Variants in YAF2 observed in about 807,000 individuals in gnomAD.
The protein encoded by YAF2 is YY1-associated factor 2.
Under a neutral mutation model 20.1 loss-of-function variants are expected in YAF2, and 7 were observed. The observed-to-expected ratio is 0.35, with a 90% CI of 0.20 to 0.65. The LOEUF (loss-of-function observed/expected upper bound fraction) is 0.65. YAF2 is among the 30% of genes least tolerant of loss of function. YAF2 has a pLI of 0.69. For synonymous variants in YAF2, 74 were observed against 76.0 expected, an observed-to-expected ratio of 0.97 and a Z score of 0.14; for missense variants, 151 against 219.2, an observed-to-expected ratio of 0.69 and a Z score of 1.96.
intron 2 of YAF2, chr12:42,233,072 AAG>A: frequency 3.0e-6 from 3 of 985,356 alleles, no homozygotes; most frequent in Non-Finnish European, 3.6e-6. Context: ...GCCCTTAAAT[AAG>A]ATGCTCAATA....
At chr12:42,223,492 G>A (rs1460022295) in intron 2 of YAF2, among the ~76,000 whole-genome samples, 1 of 152,072 alleles carries the variant, frequency 6.6e-6, no homozygotes, top group African/African-American at 2.4e-5. Flanking sequence ...TGGCCATGAT[G>A]TTAAAGCACA....
chr12:42,210,386 C>G, intron 2 of YAF2: 1 of 1,531,894 alleles, frequency 6.5e-7, no homozygotes, highest in Non-Finnish European at 8.7e-7. Context: ...TGGGTCTTTT[C>G]CCTCACAGAT....
At position 42,210,889 on chromosome 12, in the gene YAF2, C is replaced by T. The variant is rs115478698; in HGVS notation, c.152+26710G>A. ...GAATGGTTTCATTTTAAAAAGTCTACTATAATGGCTGCTATATTTTAATAT... is the reference window on the plus strand; with the variant it reads ...GAATGGTTTCATTTTAAAAAGTCTATTATAATGGCTGCTATATTTTAATAT... On this transcript the variant is annotated intron_variant, in intron 2 of 3. Coordinates refer to ENST00000534854, the MANE Select transcript of YAF2 (RefSeq NM_005748.6). 4.9e-3 allele frequency: 1,721 copies of T among 353,436 alleles called. 32 individuals are homozygous for T. The highest frequency in any genetic ancestry group is 0.033 in the African/African-American group (1,583 of 48,442). The allele number at this position is 353,436 out of a possible 1,614,324, so 21.9% of individuals were successfully genotyped here.
chr12:42,227,528 G>A (rs773005250), intron 2 of YAF2, among the ~76,000 whole-genome samples: 2,611 of 146,332 alleles, frequency 0.018, 24 homozygotes, highest in Middle Eastern at 0.036. Flanking sequence ...CTGCCCTGCC[G>A]AGACCCCGTC....
At chr12:42,225,643 C>T (rs540808857) in intron 2 of YAF2, among the ~76,000 whole-genome samples, 1 of 152,198 alleles carries the variant, frequency 6.6e-6, no homozygotes, top group South Asian at 2.1e-4. Context: ...GAATCCTTTC[C>T]CCAGTGTTTG....
At chr12:42,191,312 T>G (rs1412457952) in intron 2 of YAF2, among the ~76,000 whole-genome samples, 1 of 152,198 alleles carries the variant, frequency 6.6e-6, no homozygotes, top group Non-Finnish European at 1.5e-5. Context: ...TCAGTGTCTC[T>G]TTTTCTCACC....
rs1270872897 is a variant in YAF2 at position 42,157,713 on chromosome 12, T to C, written c.*2876A>G. On this transcript the variant is annotated 3_prime_UTR_variant, in exon 4 of 4. Coordinates refer to ENST00000534854, the MANE Select transcript of YAF2 (RefSeq NM_005748.6). ...ATAAAAATAAAACCTTTATTTCTAT[T>C]GTATAATACAAAAGGTTTTAAGAAT... is the stretch of plus-strand genomic sequence containing the variant. 4 of 152,054 alleles carry C rather than the reference T, an allele frequency of 2.6e-5. No individual in the cohort carries two copies. Among genetic ancestry groups the C allele is most frequent in the African/African-American group, 9.7e-5 (4 of 41,414 alleles). The allele number at this position is 152,054 out of a possible 1,614,324, so 9.4% of individuals were successfully genotyped here. A position where few individuals can be genotyped will look rare whatever the true frequency, so the allele number is the denominator to read the frequency against.
chr12:42,193,735 C>T (rs1459970661), intron 2 of YAF2, among the ~76,000 whole-genome samples: 2 of 152,288 alleles, frequency 1.3e-5, no homozygotes, highest in East Asian at 3.9e-4. Flanking sequence ...AACTCCTGGG[C>T]TCAAGTGATC....
chr12:42,199,567 T>C (rs1200138613), intron 2 of YAF2: 1 of 162,144 alleles, frequency 6.2e-6, no homozygotes, highest in Non-Finnish European at 1.3e-5. Flanking sequence ...CCATAACAGA[T>C]TTCAAAAGGC....
intron 2 of YAF2, among the ~76,000 whole-genome samples, chr12:42,223,999 A>G (rs1310037691): frequency 6.6e-6 from 1 of 152,126 alleles, no homozygotes; most frequent in East Asian, 1.9e-4. Flanking sequence ...CTATGTAACA[A>G]ATCTTCAAGT....
chr12:42,175,969 A>G (rs1464350272), intron 2 of YAF2, among the ~76,000 whole-genome samples: 2 of 152,086 alleles, frequency 1.3e-5, no homozygotes, highest in Non-Finnish European at 2.9e-5. Context: ...ACTTGGGGCT[A>G]GGCTTGGTGG....
intron 2 of YAF2, among the ~76,000 whole-genome samples, chr12:42,197,158 T>C (rs1175354353): frequency 6.6e-6 from 1 of 152,256 alleles, no homozygotes. Context: ...ATTATTACAG[T>C]GCTCCTTTGC....
intron 1 of YAF2, 74 bp from the exon 2 acceptor site, chr12:42,237,798 C>A: frequency 9.3e-7 from 1 of 1,080,904 alleles, no homozygotes; most frequent in Non-Finnish European, 1.1e-6. Context: ...GGCCCCGCGG[C>A]CGCCCCCGCC....
At chr12:42,199,109 T>G in intron 2 of YAF2, 1 of 1,218,384 alleles carries the variant, frequency 8.2e-7, no homozygotes, top group Non-Finnish European at 1.1e-6. Context: ...CAAGATGATT[T>G]TAAGGTGAAA....
At chr12:42,181,164 T>A (rs1222888081) in intron 2 of YAF2, among the ~76,000 whole-genome samples, 1 of 152,212 alleles carries the variant, frequency 6.6e-6, no homozygotes, top group Non-Finnish European at 1.5e-5. Flanking sequence ...GTCCTTTGTT[T>A]GAGGTTACTG....
chr12:42,223,331 TAC>T lies in YAF2; in HGVS notation c.152+14266_152+14267del, dbSNP rs71434396. 7.4e-3 allele frequency among the ~76,000 whole-genome samples: 1,101 copies of T among 148,148 alleles called. 9 individuals carry two copies. Among genetic ancestry groups the T allele is most frequent in the African/African-American group, 0.024 (974 of 40,314 alleles). ...AAAACAGCAGTTTCTTTAAAATACA[TAC>T]ACACACACACACACACACACACATA... On this transcript the variant is annotated intron_variant, in intron 2 of 3. Transcript: ENST00000534854.
intron 2 of YAF2, among the ~76,000 whole-genome samples, chr12:42,162,974 A>G (rs1300884508): frequency 6.6e-6 from 1 of 152,208 alleles, no homozygotes; most frequent in East Asian, 1.9e-4. Flanking sequence ...TTAATGGCTG[A>G]GGTTAAAAAA....
chr12:42,183,150 T>TGGTAA, intron 2 of YAF2, among the ~76,000 whole-genome samples: 1 of 152,292 alleles, frequency 6.6e-6, no homozygotes, highest in East Asian at 1.9e-4. Context: ...TCAACTAAAT[T>TGGTAA]GGTAAGTGTT....
intron 2 of YAF2, among the ~76,000 whole-genome samples, chr12:42,184,058 A>C (rs1464313010): frequency 1.3e-5 from 2 of 152,232 alleles, no homozygotes; most frequent in Non-Finnish European, 2.9e-5. Context: ...TAGTGTACTG[A>C]ATTTAAAATA....
Sources: allele counts gnomAD v4.1 joint callset (sites outside exome capture counted in the v4.1 genomes callset), GRCh38; gene constraint gnomAD v4.1.1; transcripts MANE v1.5; gene names NCBI Gene and HGNC (gene_info 2026-07-23, HGNC 2026-07-21).